The following MTSS1 variants were observed in gnomAD, a reference collection of about 807,000 sequenced individuals.
MTSS1 encodes the protein MTSS I-BAR domain containing 1, also known as protein MTSS 1.
Under a neutral mutation model 79.0 loss-of-function variants are expected in MTSS1, and 18 were observed. The ratio of observed to expected loss-of-function variants is 0.23; its 90% CI spans 0.16 to 0.34. The LOEUF (loss-of-function observed/expected upper bound fraction) is 0.34, where lower values mean the gene tolerates loss of function less well. MTSS1 is among the 10% of genes least tolerant of loss of function. The pLI is 1.00. For missense variants in MTSS1, 815 were observed against 986.2 expected (o/e 0.83, Z 2.33); for synonymous variants, 341 against 368.6 (o/e 0.93, Z 0.86).
Position 124,556,290 on chromosome 8 carries a change from G to C in MTSS1, c.1346C>G (p.Pro449Arg), listed in dbSNP as rs1451896853. The C allele has an allele frequency of 6.2e-7, 1 of 1,614,224 alleles. No individual in the cohort carries two copies. Among genetic ancestry groups the C allele is most frequent in the Admixed American group, 1.7e-5 (1 of 60,034 alleles). The change falls in exon 12 of 14, where the codon CCT becomes CGT. Residue 449 changes from proline to arginine, a missense_variant. Pro to Arg is a moderately radical substitution (Grantham distance 103). This residue lies in a region of MTSS1 where 590 missense variants were observed against 620.8 expected (regional missense o/e 0.95). Coordinates refer to ENST00000518547, the MANE Select transcript of MTSS1 (RefSeq NM_014751.6). ...TCTCTGAGCCTCCTCAGCTGCTGCA[G>C]GTGGGCCGCTGGCGGTAGTGGGTCC... is the stretch of plus-strand genomic sequence containing the variant. ...GGGPTTASGP[P>R]AAAEEAQRPR...
intron 3 of MTSS1, among the ~76,000 whole-genome samples, chr8:124,649,313 T>C (rs1029890096): frequency 6.6e-6 from 1 of 152,178 alleles, no homozygotes; most frequent in African/African-American, 2.4e-5. Context: ...TTTCCCTGTG[T>C]GGTACAAAGC....
At chr8:124,605,639 GGGCT>G (rs1834702196) in intron 3 of MTSS1, among the ~76,000 whole-genome samples, 1 of 149,916 alleles carries the variant, frequency 6.7e-6, no homozygotes, top group Non-Finnish European at 1.5e-5. Context: ...CCCTCGCGCT[GGGCT>G]CCCGTTGGAG....
In MTSS1 at chr8:124,556,325, G is replaced by A; in HGVS notation, c.1311C>T (p.Pro437=). The part of the protein sequence containing the change: ...QRRKEKREPD[P]NGGGPTTASG... ...TGGCGGTAGTGGGTCCTCCCCCGTTGGGGTCCGGTTCTCGCTTCTCTTTGC... is the reference window on the plus strand; with the variant it reads ...TGGCGGTAGTGGGTCCTCCCCCGTTAGGGTCCGGTTCTCGCTTCTCTTTGC... The change falls in exon 12 of 14, where the codon CCC becomes CCT. Residue 437 remains proline (P), a synonymous_variant. Coordinates refer to ENST00000518547, the MANE Select transcript of MTSS1 (RefSeq NM_014751.6). 1 of 1,614,190 alleles carries A rather than the reference G, an allele frequency of 6.2e-7. No individual in the cohort carries two copies.
intron 3 of MTSS1, among the ~76,000 whole-genome samples, chr8:124,694,626 G>A (rs1283640557): frequency 6.6e-6 from 1 of 152,118 alleles, no homozygotes. Context: ...CACAGCCTAT[G>A]TGGTAGGTAC....
rs955214225 is a variant in MTSS1, at chr8:124,550,960, C to T, written c.*2032G>A. The T allele has an allele frequency of 1.3e-5, 2 of 152,604 alleles. No individual in the cohort carries two copies. Among genetic ancestry groups the T allele is most frequent in the African/African-American group, 2.4e-5 (1 of 41,444 alleles). 9.5% of individuals were successfully genotyped at this position (152,604 alleles called of 1,614,324 possible). On this transcript the variant is annotated 3_prime_UTR_variant, in exon 14 of 14. Transcript: ENST00000518547. ...AAGCACAATAATTTACTGTTAGAAA[C>T]GATTTCTTTCTTTTTAGCTGTGACA...
rs1564071805 is a variant in MTSS1, at chr8:124,728,436, C to CT, written c.-482dup. On this transcript the variant is annotated 5_prime_UTR_variant, in exon 1 of 14. Transcript: ENST00000518547. This position sits in a 1 kb window ranked among gnomAD's most constrained non-coding sequence, Gnocchi z 6.1. Reference sequence around the variant, plus strand: ...TGCTCGCAGCTGCGGCCGCCGCCTCCTTTTCACTCCTGCGCGCCCGGCCCC... The same window carrying CT: ...TGCTCGCAGCTGCGGCCGCCGCCTCCTTTTTCACTCCTGCGCGCCCGGCCCC... 1 of 151,844 alleles carries CT rather than the reference C, an allele frequency of 6.6e-6. No homozygotes were observed. The highest frequency in any genetic ancestry group is 1.5e-5 in the Non-Finnish European group (1 of 67,946). The allele number at this position is 151,844 out of a possible 1,614,324, so 9.4% of individuals were successfully genotyped here.
intron 9 of MTSS1, chr8:124,564,687 T>TACACACACACACACACACACA (rs1554639346): frequency 1.1e-3 from 50 of 47,352 alleles, no homozygotes; most frequent in Non-Finnish European, 2.2e-3. Context: ...GGTCTCTCTT[T>TACACACACACACACACACACA]CACTCACACA....
At chr8:124,682,603 G>T (rs752984352) in intron 3 of MTSS1, among the ~76,000 whole-genome samples, 13 of 152,222 alleles carry the variant, frequency 8.5e-5, no homozygotes, top group Non-Finnish European at 1.6e-4. Context: ...TAAAGTGGCC[G>T]GTTTGGCTCT....
intron 1 of MTSS1, among the ~76,000 whole-genome samples, chr8:124,726,419 T>C (rs1005308621): frequency 3.9e-5 from 6 of 152,218 alleles, no homozygotes; most frequent in African/African-American, 1.4e-4. Context: ...CAACAGGGAA[T>C]AATCCATCTA....
At chr8:124,638,098 C>A (rs1817369344) in intron 3 of MTSS1, among the ~76,000 whole-genome samples, 1 of 152,238 alleles carries the variant, frequency 6.6e-6, no homozygotes, top group Non-Finnish European at 1.5e-5. Context: ...CCATAAAATT[C>A]TGTTATTCCT....
intron 3 of MTSS1, among the ~76,000 whole-genome samples, chr8:124,610,095 C>A (rs1385632096): frequency 1.3e-5 from 2 of 152,164 alleles, no homozygotes; most frequent in Admixed American, 1.3e-4. Flanking sequence ...ATATTTAGAT[C>A]AATCCTCAGC....
At chr8:124,704,744 T>C (rs933413147) in intron 1 of MTSS1, among the ~76,000 whole-genome samples, 5 of 152,214 alleles carry the variant, frequency 3.3e-5, no homozygotes, top group Admixed American at 1.3e-4. Context: ...ACACTTCGGC[T>C]AACAGGGAAC....
intron 4 of MTSS1, among the ~76,000 whole-genome samples, chr8:124,590,883 G>A (rs11783199): frequency 0.012 from 1,857 of 152,274 alleles, 16 homozygotes; most frequent in Non-Finnish European, 0.018. Context: ...AGGCTGCACC[G>A]GCTCCTTGCA....
rs4870909 is a variant in MTSS1 at position 124,606,171 on chromosome 8, G to A, written c.209-14936C>T. Among the ~76,000 whole-genome samples, 655 of 88,894 alleles carry A rather than the reference G, an allele frequency of 7.4e-3. 10 individuals carry two copies. The highest frequency in any genetic ancestry group is 0.027 in the African/African-American group (622 of 22,682). The allele number at this position is 88,894 out of a possible 152,430, so 58.3% of individuals were successfully genotyped here. A position where few individuals can be genotyped will look rare whatever the true frequency, so the allele number is the denominator to read the frequency against. On this transcript the variant is annotated intron_variant, in intron 3 of 13. Transcript: ENST00000518547. Reference sequence around the variant, plus strand: ...TTGTGTTTTCTGTGTTTGGTTTTTTGTTTTTTTTTTTTTTTTTTGAGATAG... The same window carrying A: ...TTGTGTTTTCTGTGTTTGGTTTTTTATTTTTTTTTTTTTTTTTTGAGATAG...
At chr8:124,606,169 T>A (rs112961407) in intron 3 of MTSS1, among the ~76,000 whole-genome samples, 16 of 114,584 alleles carry the variant, frequency 1.4e-4, no homozygotes, top group African/African-American at 7.0e-4. Flanking sequence ...GTTTGGTTTT[T>A]TGTTTTTTTT....
chr8:124,675,180 G>T (rs982994215), intron 3 of MTSS1, among the ~76,000 whole-genome samples: 1 of 152,196 alleles, frequency 6.6e-6, no homozygotes, highest in Non-Finnish European at 1.5e-5. Context: ...GAGGAACACT[G>T]ATCTTTCACT....
chr8:124,618,298 C>T (rs528456890), intron 3 of MTSS1, among the ~76,000 whole-genome samples: 22 of 152,274 alleles, frequency 1.4e-4, no homozygotes, highest in African/African-American at 5.3e-4. Context: ...CAGCCACCCT[C>T]TACATACCAA....
At chr8:124,640,437 T>C (rs1409379132) in intron 3 of MTSS1, among the ~76,000 whole-genome samples, 1 of 152,220 alleles carries the variant, frequency 6.6e-6, no homozygotes, top group Non-Finnish European at 1.5e-5. Context: ...TTCTGTGGTC[T>C]TTCCGGCAAC....
At chr8:124,593,285 A>T (rs1403261293) in intron 3 of MTSS1, among the ~76,000 whole-genome samples, 1 of 152,224 alleles carries the variant, frequency 6.6e-6, no homozygotes, top group Non-Finnish European at 1.5e-5. Context: ...ACACAAGGAA[A>T]CTGGCACACT....
Sources: allele counts gnomAD v4.1 joint callset (sites outside exome capture counted in the v4.1 genomes callset), GRCh38; gene constraint gnomAD v4.1.1; regional missense constraint gnomAD v4.1.1; non-coding constraint Gnocchi (gnomAD v3.1); transcripts MANE v1.5; gene names NCBI Gene and HGNC (gene_info 2026-07-23, HGNC 2026-07-21).